Variants in TAPBP observed in about 807,000 individuals in gnomAD.
TAPBP encodes the protein TAP binding protein.
In TAPBP, 38 loss-of-function variants were observed where a neutral mutation model predicts 45.7. The ratio of observed to expected loss-of-function variants is 0.83; its 90% CI spans 0.64 to 1.09. TAPBP has a LOEUF of 1.09. Ranked by LOEUF, TAPBP falls within the 50% of genes least tolerant of loss-of-function variation. The pLI, the probability that TAPBP is intolerant of heterozygous loss-of-function variation, is 0.00. For synonymous variants in TAPBP, 226 were observed against 254.8 expected (o/e 0.89, Z 1.08); for missense variants, 513 against 587.3 (o/e 0.87, Z 1.31).
chr6:33,310,726 C>G (rs1218580268), intron 3 of TAPBP, among the ~76,000 whole-genome samples: 1 of 151,556 alleles, frequency 6.6e-6, no homozygotes, highest in Non-Finnish European at 1.5e-5. Flanking sequence ...GACTGAGGCA[C>G]GAGGATCACT....
Position 33,301,505 on chromosome 6 carries a change from C to T in TAPBP, c.*255G>A, listed in dbSNP as rs927436350. 1.9e-5 allele frequency: 9 copies of T among 482,894 alleles called. No homozygotes were observed. The highest frequency in any genetic ancestry group is 1.2e-4 in the African/African-American group (6 of 49,310). The allele number at this position is 482,894 out of a possible 1,614,324, so 29.9% of individuals were successfully genotyped here. A position where few individuals can be genotyped will look rare whatever the true frequency, so the allele number is the denominator to read the frequency against. On this transcript the variant is annotated 3_prime_UTR_variant, in exon 8 of 8. Coordinates refer to ENST00000434618, the MANE Select transcript of TAPBP (RefSeq NM_003190.5). ...CACAGAATTGCTTGAACCCAGGAGG[C>T]GGAGGTTGCAGTAAGCCAAGATCAT... is the stretch of plus-strand genomic sequence containing the variant.
chr6:33,310,489 G>GA, intron 3 of TAPBP, among the ~76,000 whole-genome samples: 1 of 131,480 alleles, frequency 7.6e-6, no homozygotes, highest in East Asian at 2.2e-4. Context: ...CTGGGCAACA[G>GA]GGTGAGACTC....
rs772742738 is a variant in TAPBP at position 33,313,667 on chromosome 6, G to A, written c.208+27C>T. 2 of 1,597,454 alleles carry A rather than the reference G, an allele frequency of 1.3e-6. No individual in the cohort carries two copies. The highest frequency in any genetic ancestry group is 4.5e-5 in the East Asian group (2 of 44,532). On this transcript the variant is annotated intron_variant, in intron 2 of 7. Coordinates refer to ENST00000434618, the MANE Select transcript of TAPBP (RefSeq NM_003190.5). This position sits in a 1 kb window ranked among gnomAD's most constrained non-coding sequence, Gnocchi z 7.2. ...GTTTCGGTGGAGGCGACAGAGGTAG[G>A]GGGGCGGCGAGTCCCTAGAGACTCA...
chr6:33,311,390 G>A (rs993234424), intron 3 of TAPBP, among the ~76,000 whole-genome samples: 1 of 152,086 alleles, frequency 6.6e-6, no homozygotes, highest in Non-Finnish European at 1.5e-5. Context: ...AGCACTTCGG[G>A]AGGCGAGGTG....
At position 33,305,979 on chromosome 6, in the gene TAPBP, G is replaced by C. The variant is rs1335641820; in HGVS notation, c.470-592C>G. Among the ~76,000 whole-genome samples the C allele has an allele frequency of 2.6e-5, 4 of 152,044 alleles. No individual in the cohort carries two copies. The highest frequency in any genetic ancestry group is 2.6e-4 in the Admixed American group (4 of 15,266). ...TCTGCAGCTTATTTATATGGCCTTG[G>C]GCCACTTCCTTTTTCCATGGCTCAG... On this transcript the variant is annotated intron_variant, in intron 3 of 7. Transcript: ENST00000434618. This position sits in a 1 kb window ranked among gnomAD's most constrained non-coding sequence, Gnocchi z 4.4.
In TAPBP at chr6:33,313,396, A is replaced by G. The variant is rs1281485823; in HGVS notation, c.290T>C (p.Val97Ala). 1 of 1,611,216 alleles carries G rather than the reference A, an allele frequency of 6.2e-7. No homozygotes were observed. The highest frequency in any genetic ancestry group is 1.1e-5 in the South Asian group (1 of 90,964). The change falls in exon 3 of 8, where the codon GTG (valine) becomes GCG (alanine). Residue 97 changes from valine to alanine, a missense_variant. By Grantham distance (64) the Val-to-Ala change is moderately conservative. Coordinates refer to ENST00000434618, the MANE Select transcript of TAPBP (RefSeq NM_003190.5). This position sits in a 1 kb window ranked among gnomAD's most constrained non-coding sequence, Gnocchi z 7.2. ...PAPHCEMSRF[V>A]PLPASAKWAS... ...CCATTTCGCAGAGGCGGGGAGAGGCACGAAGCGGCTCATCTCGCAGTGTGG... is the reference window on the plus strand; with the variant it reads ...CCATTTCGCAGAGGCGGGGAGAGGCGCGAAGCGGCTCATCTCGCAGTGTGG...
chr6:33,313,780 C>A lies in TAPBP; in HGVS notation c.122G>T (p.Arg41Ile). The A allele has an allele frequency of 6.2e-7, 1 of 1,613,800 alleles. No homozygotes were observed. The highest frequency in any genetic ancestry group is 1.3e-5 in the African/African-American group (1 of 75,040). Residue 41 changes from arginine (R) to isoleucine (I), a missense_variant, in exon 2 of 8, where the codon AGA (arginine) becomes ATA (isoleucine). Transcript: ENST00000434618. The surrounding 1 kb of genome is among the most constrained non-coding windows in gnomAD (Gnocchi z 7.2). ...EDASGKGLAK[R>I]PGALLLRQGP... ...CTGGCGCAACAGCAGTGCACCGGGTCTCTTGGCCAGGCCCTTTCCGCTCGC... is the reference window on the plus strand; with the variant it reads ...CTGGCGCAACAGCAGTGCACCGGGTATCTTGGCCAGGCCCTTTCCGCTCGC...
At chr6:33,303,659 TTTTAATGTGAGTACTAGAGTATTTAAA>T in intron 7 of TAPBP, 1 of 1,328,000 alleles carries the variant, frequency 7.5e-7, no homozygotes, top group Non-Finnish European at 1.0e-6. Flanking sequence ...CTGCTTATTT[TTTTAATGTGAGTACTAGAGTATTTAAA>T]TTTACATATG....
In TAPBP at chr6:33,301,403, G is replaced by A. The variant is rs1403924349; in HGVS notation, c.*357C>T. On this transcript the variant is annotated 3_prime_UTR_variant, in exon 8 of 8. Transcript: ENST00000434618. ...AGCCTGGCCAACATGGTGAAACCCC[G>A]TCTCTACTAAAAATACAAAAATTCA... is the stretch of plus-strand genomic sequence containing the variant. 8 of 238,678 alleles carry A rather than the reference G, an allele frequency of 3.4e-5. No homozygotes were observed. The highest frequency in any genetic ancestry group is 1.6e-4 in the African/African-American group (7 of 43,640). The allele number at this position is 238,678 out of a possible 1,614,324, so 14.8% of individuals were successfully genotyped here.
At position 33,304,515 on chromosome 6, in the gene TAPBP, T is replaced by C. The variant is rs773725085; in HGVS notation, c.992A>G (p.Glu331Gly). 1 of 1,613,308 alleles carries C rather than the reference T, an allele frequency of 6.2e-7. No individual in the cohort carries two copies. Among genetic ancestry groups the C allele is most frequent in the African/African-American group, 1.3e-5 (1 of 74,988 alleles). ...GCGGCCCCCTGGGCCACCCCGGAGT[T>C]CCCACTCCACCTCCAGGCCCCCAGA... ...YPSGGLEVEWELRGGPGGRSQ... is the reference protein window; with the variant it reads ...YPSGGLEVEWGLRGGPGGRSQ... The change falls in exon 5 of 8, where the codon GAA (glutamate) becomes GGA (glycine). Residue 331 changes from glutamate to glycine, a missense_variant. Coordinates refer to ENST00000434618, the MANE Select transcript of TAPBP (RefSeq NM_003190.5).
intron 3 of TAPBP, chr6:33,308,168 C>CAAAAAAAAAAA (rs9280399): frequency 1.0e-5 from 1 of 99,604 alleles, no homozygotes. Context: ...ACTAAAAATA[C>CAAAAAAAAAAA]AAAAAAAAAA....
chr6:33,302,932 C>T (rs1333147289), intron 7 of TAPBP, among the ~76,000 whole-genome samples: 3 of 152,166 alleles, frequency 2.0e-5, no homozygotes, highest in Non-Finnish European at 4.4e-5. Flanking sequence ...CATGAGCCAT[C>T]GCACCCGGCC....
rs758624595 is a variant in TAPBP, at chr6:33,313,836, G to A, written c.66C>T (p.Pro22=). 1 of 1,613,840 alleles carries A rather than the reference G, an allele frequency of 6.2e-7. No homozygotes were observed. The highest frequency in any genetic ancestry group is 1.3e-5 in the African/African-American group (1 of 75,036). Residue 22 remains proline, a synonymous_variant, in exon 2 of 8, where the codon CCC becomes CCT. Coordinates refer to ENST00000434618, the MANE Select transcript of TAPBP (RefSeq NM_003190.5). The surrounding 1 kb of genome is among the most constrained non-coding windows in gnomAD (Gnocchi z 7.2). The part of the protein sequence containing the change: ...LGLATAVSAG[P]AVIECWFVED... ...CCACGAACCAACACTCGATCACCGC[G>A]GGTCCTGCTGAGACGGCGGTCGCCA... is the stretch of plus-strand genomic sequence containing the variant.
At position 33,313,714 on chromosome 6, in the gene TAPBP, T is replaced by A; in HGVS notation, c.188A>T (p.Glu63Val). The A allele has an allele frequency of 6.2e-7, 1 of 1,613,026 alleles. No homozygotes were observed. The highest frequency in any genetic ancestry group is 8.5e-7 in the Non-Finnish European group (1 of 1,179,864). The change falls in exon 2 of 8, where the codon GAG (glutamate) becomes GTG (valine). Residue 63 changes from glutamate to valine, a missense_variant. By Grantham distance (121) the Glu-to-Val change is moderately radical (BLOSUM62 -2). Coordinates refer to ENST00000434618, the MANE Select transcript of TAPBP (RefSeq NM_003190.5). The surrounding 1 kb of genome is among the most constrained non-coding windows in gnomAD (Gnocchi z 7.2). The part of the protein sequence containing the change: ...EPPPRPDLDP[E>V]LYLSVHDPAG... ...CTCACCGTGTACACTGAGATAGAGC[T>A]CAGGGTCGAGGTCCGGCCGGGGCGG...
At position 33,305,089 on chromosome 6, in the gene TAPBP, G is replaced by A. The variant is rs145473025; in HGVS notation, c.768C>T (p.Phe256=). 2.0e-4 allele frequency: 318 copies of A among 1,614,220 alleles called. 1 individual carries two copies. Among genetic ancestry groups the A allele is most frequent in the Middle Eastern group, 8.2e-4 (5 of 6,062 alleles). Residue 256 remains phenylalanine, a synonymous_variant, in exon 4 of 8, where the codon TTC becomes TTT. Transcript: ENST00000434618. This position sits in a 1 kb window ranked among gnomAD's most constrained non-coding sequence, Gnocchi z 4.4. ...PWGPWTGNGT[F]WLPTVQPFQE... ...GAAAGGGTTGAACTGTAGGCAGCCA[G>A]AAGGTCCCATTTCCGGTCCATGGGC...
In TAPBP at chr6:33,301,260, A is replaced by G. The variant is rs199627537; in HGVS notation, c.*500T>C. ...AGAGCTCCAAGAAGGTGAATGCCAT[A>G]AGATGTGTGTTTTTTAAAAAAGCAT... On this transcript the variant is annotated 3_prime_UTR_variant, in exon 8 of 8. Transcript: ENST00000434618. 1 of 152,970 alleles carries G rather than the reference A, an allele frequency of 6.5e-6. No homozygotes were observed. The highest frequency in any genetic ancestry group is 1.4e-5 in the Non-Finnish European group (1 of 70,406). The allele number at this position is 152,970 out of a possible 1,614,324, so 9.5% of individuals were successfully genotyped here.
chr6:33,303,333 C>T (rs920372092), intron 7 of TAPBP, among the ~76,000 whole-genome samples: 2 of 151,912 alleles, frequency 1.3e-5, no homozygotes, highest in South Asian at 4.2e-4. Context: ...GCAGGAGAAT[C>T]GCTTGAACCT....
Position 33,313,425 on chromosome 6 carries a change from G to C in TAPBP, c.261C>G (p.Pro87=). The change falls in exon 3 of 8, where the codon CCC becomes CCG. Residue 87 remains proline (P), a synonymous_variant. Coordinates refer to ENST00000434618, the MANE Select transcript of TAPBP (RefSeq NM_003190.5). This position sits in a 1 kb window ranked among gnomAD's most constrained non-coding sequence, Gnocchi z 7.2. The part of the protein sequence containing the change: ...AAFRRYPRGA[P]APHCEMSRFV... Reference sequence around the variant, plus strand: ...AGCGGCTCATCTCGCAGTGTGGTGCGGGGGCGCCCCGGGGATACCGCCTGA... The same window carrying C: ...AGCGGCTCATCTCGCAGTGTGGTGCCGGGGCGCCCCGGGGATACCGCCTGA... 6.2e-7 allele frequency: 1 copy of C among 1,602,354 alleles called. No homozygotes were observed. Among genetic ancestry groups the C allele is most frequent in the Non-Finnish European group, 8.5e-7 (1 of 1,172,624 alleles).
chr6:33,305,200 A>C lies in TAPBP; in HGVS notation c.657T>G (p.Ala219=), dbSNP rs994503210. ...TCTGGCCATTCAGCCCAGGAGTTGC[A>C]GCCAGGAGCAGATGTCCCTTACCCA... ...QHLGKGHLLL[A]ATPGLNGQMP... is the part of the protein sequence containing the mutation. Residue 219 remains alanine, a synonymous_variant, in exon 4 of 8, where the codon GCT becomes GCG. Coordinates refer to ENST00000434618, the MANE Select transcript of TAPBP (RefSeq NM_003190.5). This position sits in a 1 kb window ranked among gnomAD's most constrained non-coding sequence, Gnocchi z 4.4. 1 of 1,614,182 alleles carries C rather than the reference A, an allele frequency of 6.2e-7. No individual in the cohort carries two copies. Among genetic ancestry groups the C allele is most frequent in the Non-Finnish European group, 8.5e-7 (1 of 1,180,032 alleles).
Sources: allele counts gnomAD v4.1 joint callset (sites outside exome capture counted in the v4.1 genomes callset), GRCh38; gene constraint gnomAD v4.1.1; non-coding constraint Gnocchi (gnomAD v3.1); transcripts MANE v1.5; gene names NCBI Gene and HGNC (gene_info 2026-07-23, HGNC 2026-07-21).